ARMC2: variants seen among roughly 807,000 people sequenced by gnomAD.
ARMC2 encodes the protein armadillo repeat-containing protein 2.
Under a neutral mutation model 90.3 loss-of-function variants are expected in ARMC2, and 67 were observed. The ratio of observed to expected loss-of-function variants is 0.74; its 90% CI spans 0.61 to 0.91. The LOEUF is 0.91. Ranked by LOEUF, ARMC2 falls within the 40% of genes least tolerant of loss-of-function variation. The pLI, the probability that ARMC2 is intolerant of heterozygous loss-of-function variation, is 0.00. For synonymous variants in ARMC2, 393 were observed against 393.0 expected, an observed-to-expected ratio of 1.00 and a Z score of 0.00; for missense variants, 920 against 1,030.9, an observed-to-expected ratio of 0.89 and a Z score of 1.47.
chr6:108,950,199 C>G (rs2128502741), intron 12 of ARMC2, among the ~76,000 whole-genome samples: 1 of 152,252 alleles, frequency 6.6e-6, no homozygotes, highest in South Asian at 2.1e-4. Context: ...GAGCAATACT[C>G]TGTCTCAAAA....
chr6:108,936,401 C>A (rs567824898), intron 11 of ARMC2, among the ~76,000 whole-genome samples: 59 of 152,234 alleles, frequency 3.9e-4, no homozygotes, highest in Non-Finnish European at 7.4e-4. Context: ...GGATTACAGG[C>A]ACATGCCACC....
At chr6:108,855,105 C>T (rs1774414069) in intron 2 of ARMC2, among the ~76,000 whole-genome samples, 1 of 152,174 alleles carries the variant, frequency 6.6e-6, no homozygotes, top group Admixed American at 6.5e-5. Flanking sequence ...ATTCCATTGT[C>T]TGGATGTACC....
the ARMC2 span, chr6:108,998,949 A>T: frequency 2.0e-6 from 1 of 502,398 alleles, no homozygotes; most frequent in Non-Finnish European, 3.5e-6. Flanking sequence ...ACTTAACATA[A>T]TCTGTTAAGA....
At chr6:108,953,975 G>T (rs1319524388) in intron 13 of ARMC2, among the ~76,000 whole-genome samples, 1 of 152,130 alleles carries the variant, frequency 6.6e-6, no homozygotes, top group Non-Finnish European at 1.5e-5. Context: ...CCTGGTGAGG[G>T]CTCTTCCTCC....
At chr6:109,047,326 C>T in the ARMC2 span, among the ~76,000 whole-genome samples, 1 of 129,740 alleles carries the variant, frequency 7.7e-6, no homozygotes. Flanking sequence ...GGCCAGCCGC[C>T]CCGTCCGGGA....
intron 11 of ARMC2, among the ~76,000 whole-genome samples, chr6:108,936,114 C>T (rs981454649): frequency 5.3e-5 from 8 of 152,140 alleles, no homozygotes; most frequent in African/African-American, 1.9e-4. Flanking sequence ...TGCTTACTTG[C>T]TTTAGAAATT....
chr6:108,940,789 G>A (rs970860450), intron 12 of ARMC2, among the ~76,000 whole-genome samples: 2 of 152,064 alleles, frequency 1.3e-5, no homozygotes, highest in African/African-American at 4.8e-5. Flanking sequence ...CCTTACCGAG[G>A]ACCTCCTTAC....
chr6:108,945,646 C>A (rs1036885271), intron 12 of ARMC2, among the ~76,000 whole-genome samples: 1 of 152,232 alleles, frequency 6.6e-6, no homozygotes, highest in East Asian at 1.9e-4. Context: ...CTTCTATAGG[C>A]ATAAGCTGCT....
chr6:109,042,762 T>TG, the ARMC2 span, among the ~76,000 whole-genome samples: 1 of 152,066 alleles, frequency 6.6e-6, no homozygotes, highest in African/African-American at 2.4e-5. Flanking sequence ...TTTATTTCAC[T>TG]GGATAACTCC....
chr6:108,889,000 A>G (rs1466452771), intron 5 of ARMC2, among the ~76,000 whole-genome samples: 2 of 152,080 alleles, frequency 1.3e-5, no homozygotes, highest in African/African-American at 4.8e-5. Flanking sequence ...GAGTAAACCC[A>G]TGGAAACCTT....
downstream of ARMC2, among the ~76,000 whole-genome samples, chr6:108,975,828 T>C (rs1185225396): frequency 2.6e-5 from 4 of 152,330 alleles, no homozygotes; most frequent in East Asian, 5.8e-4. Context: ...TCATATCCTT[T>C]GCCCACTTTT....
At chr6:108,858,069 A>C in intron 2 of ARMC2, 130 bp from the exon 3 acceptor site, 1 of 577,580 alleles carries the variant, frequency 1.7e-6, no homozygotes, top group East Asian at 3.1e-5. Flanking sequence ...ATAACATGAA[A>C]AAATGTTTTT....
At chr6:108,871,452 G>A in intron 4 of ARMC2, among the ~76,000 whole-genome samples, 1 of 152,000 alleles carries the variant, frequency 6.6e-6, no homozygotes, top group East Asian at 1.9e-4. Context: ...AGGAACAAAG[G>A]GTTTGCCAAG....
the ARMC2 span, among the ~76,000 whole-genome samples, chr6:109,049,927 G>A: frequency 6.6e-6 from 1 of 152,010 alleles, no homozygotes; most frequent in Admixed American, 6.6e-5. Context: ...GTCTGACTTT[G>A]GTTTGAAACA....
intron 5 of ARMC2, among the ~76,000 whole-genome samples, chr6:108,890,972 T>A (rs1215473279): frequency 6.6e-6 from 1 of 151,042 alleles, no homozygotes; most frequent in East Asian, 2.0e-4. Flanking sequence ...GTTCTCATTG[T>A]TCAACTCCCA....
chr6:108,872,706 T>C (rs1394528490), intron 4 of ARMC2, among the ~76,000 whole-genome samples: 1 of 151,920 alleles, frequency 6.6e-6, no homozygotes, highest in Non-Finnish European at 1.5e-5. Flanking sequence ...GCACAAGAGG[T>C]CGGGAAGCAA....
intron 10 of ARMC2, among the ~76,000 whole-genome samples, chr6:108,922,462 T>C (rs958813545): frequency 6.6e-6 from 1 of 152,220 alleles, no homozygotes; most frequent in Admixed American, 6.5e-5. Context: ...AAATATTTCC[T>C]GTGTTTGCTA....
In ARMC2 at chr6:108,884,206, T is replaced by TGGACCCTGTCCATGAAGAGC. The variant is rs543492186; in HGVS notation, c.671+7857_671+7876dup. 7.2e-5 allele frequency among the ~76,000 whole-genome samples: 11 copies of TGGACCCTGTCCATGAAGAGC among 152,094 alleles called. No individual in the cohort carries two copies. The South Asian group carries it at 2.1e-3, about 29-fold the overall frequency. On this transcript the variant is annotated intron_variant, in intron 5 of 17. Coordinates refer to ENST00000392644, the MANE Select transcript of ARMC2 (RefSeq NM_032131.6). Reference sequence around the variant, plus strand: ...GCTGAGGGGTTGAGAGATAGAAGAGTGGACCCTGTCCATGAAGAGCTTACC... The same window carrying TGGACCCTGTCCATGAAGAGC: ...GCTGAGGGGTTGAGAGATAGAAGAGTGGACCCTGTCCATGAAGAGCGGACCCTGTCCATGAAGAGCTTACC...
At chr6:109,019,474 T>C in the ARMC2 span, among the ~76,000 whole-genome samples, 3 of 152,232 alleles carry the variant, frequency 2.0e-5, no homozygotes, top group Admixed American at 6.5e-5. Flanking sequence ...TACTGAATTA[T>C]AGACCAAACT....
Sources: allele counts gnomAD v4.1 joint callset (sites outside exome capture counted in the v4.1 genomes callset), GRCh38; gene constraint gnomAD v4.1.1; transcripts MANE v1.5; gene names NCBI Gene and HGNC (gene_info 2026-07-23, HGNC 2026-07-21).